FSCN1: variants seen among roughly 807,000 people sequenced by gnomAD.
FSCN1 encodes the protein fascin actin-bundling protein 1.
In FSCN1, 10 loss-of-function variants were observed where a neutral mutation model predicts 39.7. The ratio of observed to expected loss-of-function variants is 0.25; its 90% CI spans 0.16 to 0.43. The LOEUF (loss-of-function observed/expected upper bound fraction) is 0.43. Among genes scored for constraint, FSCN1 ranks in the 20% least tolerant of loss-of-function variants. FSCN1 has a pLI of 1.00. For missense variants in FSCN1, 525 were observed against 723.8 expected, an observed-to-expected ratio of 0.73 and a Z score of 3.15; for synonymous variants, 322 against 320.0, an observed-to-expected ratio of 1.01 and a Z score of -0.07.
In FSCN1 at chr7:5,603,726, C is replaced by T. The variant is rs1034925975; in HGVS notation, c.1111+109C>T. On this transcript the variant is annotated intron_variant, in intron 3 of 4. Coordinates refer to ENST00000382361, the MANE Select transcript of FSCN1 (RefSeq NM_003088.4). The surrounding 1 kb of genome is among the most constrained non-coding windows in gnomAD (Gnocchi z 8.5). Reference sequence around the variant, plus strand: ...CAAGGCCTGCTCTGTGCTGGGCATCCCCCCGGACTGGCCCCGCACTGTCCT... The same window carrying T: ...CAAGGCCTGCTCTGTGCTGGGCATCTCCCCGGACTGGCCCCGCACTGTCCT... The T allele has an allele frequency of 4.0e-5, 61 of 1,535,000 alleles. No individual in the cohort carries two copies. The African/African-American group carries it at 8.1e-4, about 20-fold the overall frequency.
Position 5,593,554 on chromosome 7 carries a change from C to G in FSCN1, c.618C>G (p.Pro206=), listed in dbSNP as rs112714846. 3.8e-6 allele frequency: 6 copies of G among 1,587,144 alleles called. No individual in the cohort carries two copies. The highest frequency in any genetic ancestry group is 5.1e-6 in the Non-Finnish European group (6 of 1,172,092). Residue 206 remains proline, a synonymous_variant, in exon 1 of 5, where the codon CCC becomes CCG. Transcript: ENST00000382361. ...LRHDGRLVAR[P]EPATGYTLEF... Reference sequence around the variant, plus strand: ...ACGACGGGCGCCTGGTGGCGCGCCCCGAGCCGGCCACTGGCTACACGCTGG... The same window carrying G: ...ACGACGGGCGCCTGGTGGCGCGCCCGGAGCCGGCCACTGGCTACACGCTGG...
chr7:5,593,377 C>A lies in FSCN1; in HGVS notation c.441C>A (p.Val147=). The change falls in exon 1 of 5, where the codon GTC becomes GTA. Residue 147 remains valine, a synonymous_variant. Transcript: ENST00000382361. ...ACCCTCAGGTCAACATCTACAGCGT[C>A]ACCCGTAAGCGCTACGCGCACCTGA... ...AMHPQVNIYS[V]TRKRYAHLSA... is the part of the protein sequence containing the mutation. 1 of 1,612,464 alleles carries A rather than the reference C, an allele frequency of 6.2e-7. No individual in the cohort carries two copies. The highest frequency in any genetic ancestry group is 1.7e-5 in the Admixed American group (1 of 60,018).
At position 5,592,832 on chromosome 7, in the gene FSCN1, G is replaced by T; in HGVS notation, c.-105G>T. On this transcript the variant is annotated 5_prime_UTR_variant, in exon 1 of 5. Transcript: ENST00000382361. The surrounding 1 kb of genome is among the most constrained non-coding windows in gnomAD (Gnocchi z 5.3). ...CTGGGCTTTGTGGAGCGCTGCGGAGGGTGCGTGCGGGCCGCGGCAGCCGAA... is the reference window on the plus strand; with the variant it reads ...CTGGGCTTTGTGGAGCGCTGCGGAGTGTGCGTGCGGGCCGCGGCAGCCGAA... The T allele has an allele frequency of 1.5e-6, 1 of 648,962 alleles. No individual in the cohort carries two copies. The highest frequency in any genetic ancestry group is 2.6e-6 in the Non-Finnish European group (1 of 387,318). 40.2% of individuals were successfully genotyped at this position (648,962 alleles called of 1,614,324 possible).
rs1460548194 is a variant in FSCN1 at position 5,603,086 on chromosome 7, C to T, written c.833-171C>T. The T allele has an allele frequency of 8.8e-5, 60 of 681,826 alleles. No homozygotes were observed. Among genetic ancestry groups the T allele is most frequent in the South Asian group, 5.2e-4 (29 of 55,336 alleles). 42.2% of individuals were successfully genotyped at this position (681,826 alleles called of 1,614,324 possible). A position where few individuals can be genotyped will look rare whatever the true frequency, so the allele number is the denominator to read the frequency against. ...CTTGGCCTCTGACCGGCCCTGCCTGCGTTCCTGGGTGCTCTCTGCTGCTTC... is the reference window on the plus strand; with the variant it reads ...CTTGGCCTCTGACCGGCCCTGCCTGTGTTCCTGGGTGCTCTCTGCTGCTTC... On this transcript the variant is annotated intron_variant, in intron 1 of 4. Transcript: ENST00000382361. The surrounding 1 kb of genome is among the most constrained non-coding windows in gnomAD (Gnocchi z 8.5).
chr7:5,601,745 T>C (rs2128549789), intron 1 of FSCN1, among the ~76,000 whole-genome samples: 1 of 151,936 alleles, frequency 6.6e-6, no homozygotes, highest in East Asian at 1.9e-4. Flanking sequence ...GAGGCTGAGG[T>C]GGGAGGATCA....
chr7:5,594,452 G>A (rs1179892621), intron 1 of FSCN1: 4 of 152,456 alleles, frequency 2.6e-5, no homozygotes, highest in Non-Finnish European at 5.9e-5. Context: ...GAGCAGGGGG[G>A]CGGGTCGCCT....
In FSCN1 at chr7:5,598,681, C is replaced by A. The variant is rs538707940; in HGVS notation, c.833-4576C>A. ...CCTTTTGCCCCTCTTTCTGGGGAAC[C>A]TGGAGCCCCTGATGCCCTCTGTTTT... On this transcript the variant is annotated intron_variant, in intron 1 of 4. Coordinates refer to ENST00000382361, the MANE Select transcript of FSCN1 (RefSeq NM_003088.4). Among the ~76,000 whole-genome samples, 4 of 152,332 alleles carry A rather than the reference C, an allele frequency of 2.6e-5. No individual in the cohort carries two copies. In the East Asian group the frequency reaches 7.7e-4, roughly 29 times the overall value.
chr7:5,598,355 A>G (rs1785767791), intron 1 of FSCN1, among the ~76,000 whole-genome samples: 2 of 152,220 alleles, frequency 1.3e-5, no homozygotes, highest in African/African-American at 2.4e-5. Flanking sequence ...CCCTGGGCCC[A>G]GGAATGGCTG....
intron 4 of FSCN1, among the ~76,000 whole-genome samples, chr7:5,604,908 T>A (rs562621401): frequency 6.7e-6 from 1 of 149,996 alleles, no homozygotes; most frequent in East Asian, 2.0e-4. Flanking sequence ...CAGTGCTGGG[T>A]TTATAGGTGT....
chr7:5,604,081 T>C, intron 4 of FSCN1, 51 bp downstream of exon 4: 1 of 1,564,824 alleles, frequency 6.4e-7, no homozygotes, highest in Non-Finnish European at 8.7e-7. Flanking sequence ...CGGTCGGGGC[T>C]GGGGTCAGTG....
chr7:5,602,436 G>A (rs1349868795), intron 1 of FSCN1, among the ~76,000 whole-genome samples: 2 of 151,094 alleles, frequency 1.3e-5, no homozygotes, highest in Non-Finnish European at 2.9e-5. Flanking sequence ...CCCCAGACAC[G>A]GCCCCCCAAG....
In FSCN1 at chr7:5,592,855, G is replaced by T. The variant is rs1018131287; in HGVS notation, c.-82G>T. On this transcript the variant is annotated 5_prime_UTR_variant, in exon 1 of 5. Coordinates refer to ENST00000382361, the MANE Select transcript of FSCN1 (RefSeq NM_003088.4). The surrounding 1 kb of genome is among the most constrained non-coding windows in gnomAD (Gnocchi z 5.3). ...AGGGTGCGTGCGGGCCGCGGCAGCCGAACAAAGGAGCAGGGGCGCCGCCGC... is the reference window on the plus strand; with the variant it reads ...AGGGTGCGTGCGGGCCGCGGCAGCCTAACAAAGGAGCAGGGGCGCCGCCGC... 35 of 827,550 alleles carry T rather than the reference G, an allele frequency of 4.2e-5. No individual in the cohort carries two copies. Among genetic ancestry groups the T allele is most frequent in the East Asian group, 3.2e-4 (11 of 34,796 alleles). 51.3% of individuals were successfully genotyped at this position (827,550 alleles called of 1,614,324 possible).
At position 5,592,821 on chromosome 7, in the gene FSCN1, G is replaced by T. The variant is rs1208586500; in HGVS notation, c.-116G>T. ...GGCGCCGCTAGCTGGGCTTTGTGGA[G>T]CGCTGCGGAGGGTGCGTGCGGGCCG... On this transcript the variant is annotated 5_prime_UTR_variant, in exon 1 of 5. Coordinates refer to ENST00000382361, the MANE Select transcript of FSCN1 (RefSeq NM_003088.4). This position sits in a 1 kb window ranked among gnomAD's most constrained non-coding sequence, Gnocchi z 5.3. 3 of 619,644 alleles carry T rather than the reference G, an allele frequency of 4.8e-6. No homozygotes were observed. The highest frequency in any genetic ancestry group is 1.9e-5 in the African/African-American group (1 of 51,500). 38.4% of individuals were successfully genotyped at this position (619,644 alleles called of 1,614,324 possible). A position where few individuals can be genotyped will look rare whatever the true frequency, so the allele number is the denominator to read the frequency against.
intron 1 of FSCN1, chr7:5,594,048 C>CG (rs1350477422): frequency 1.0e-5 from 4 of 397,684 alleles, no homozygotes; most frequent in South Asian, 4.4e-5. Context: ...CCTCCTAACC[C>CG]CCCCCCCCGC....
Position 5,602,897 on chromosome 7 carries a change from TG to T in FSCN1, c.833-355del, listed in dbSNP as rs1311221735. On this transcript the variant is annotated intron_variant, in intron 1 of 4. Transcript: ENST00000382361. ...GTAATTTGTAGAGACGGGGGTGGGG[TG>T]GGGGTCTTGCTATGTTGCCCAGGCT... 3.6e-5 allele frequency: 9 copies of T among 251,424 alleles called. No homozygotes were observed. In the East Asian group the frequency reaches 8.0e-4, roughly 22 times the overall value. The allele number at this position is 251,424 out of a possible 1,614,324, so 15.6% of individuals were successfully genotyped here.
chr7:5,605,841 C>T lies in FSCN1; in HGVS notation c.*367C>T, dbSNP rs1478741182. 1.5e-5 allele frequency: 3 copies of T among 195,962 alleles called. No individual in the cohort carries two copies. The highest frequency in any genetic ancestry group is 5.4e-5 in the Admixed American group (1 of 18,400). The allele number at this position is 195,962 out of a possible 1,614,324, so 12.1% of individuals were successfully genotyped here. A position where few individuals can be genotyped will look rare whatever the true frequency, so the allele number is the denominator to read the frequency against. On this transcript the variant is annotated 3_prime_UTR_variant, in exon 5 of 5. Coordinates refer to ENST00000382361, the MANE Select transcript of FSCN1 (RefSeq NM_003088.4). This position sits in a 1 kb window ranked among gnomAD's most constrained non-coding sequence, Gnocchi z 6.9. ...ACGGTTGGGGGCTGGGAGCCCTGGG[C>T]GTGTAGTGTAACTGGAATCTTTTGC...
Position 5,593,113 on chromosome 7 carries a change from C to G in FSCN1, c.177C>G (p.Ala59=), listed in dbSNP as rs776317377. The G allele has an allele frequency of 6.2e-7, 1 of 1,604,606 alleles. No individual in the cohort carries two copies. The highest frequency in any genetic ancestry group is 2.2e-5 in the East Asian group (1 of 44,542). The change falls in exon 1 of 5, where the codon GCC becomes GCG. Residue 59 remains alanine (A), a synonymous_variant. Coordinates refer to ENST00000382361, the MANE Select transcript of FSCN1 (RefSeq NM_003088.4). ...EQPPDEAGSA[A]VCLRSHLGRY... ...CCCCTGACGAGGCGGGCAGCGCGGC[C>G]GTGTGCCTGCGCAGCCACCTGGGCC...
intron 4 of FSCN1, 136 bp downstream of exon 4, chr7:5,604,166 G>C: frequency 1.3e-6 from 1 of 746,004 alleles, no homozygotes; most frequent in Non-Finnish European, 2.1e-6. Flanking sequence ...AAAGGGACAG[G>C]TGTCTGATGG....
Position 5,603,121 on chromosome 7 carries a change from C to T in FSCN1, c.833-136C>T, listed in dbSNP as rs1584303779. The T allele has an allele frequency of 6.6e-6, 6 of 907,846 alleles. No homozygotes were observed. In the East Asian group the frequency reaches 1.5e-4, roughly 22 times the overall value. 56.2% of individuals were successfully genotyped at this position (907,846 alleles called of 1,614,324 possible). The stretch of plus-strand genomic sequence containing the variant: ...TGCTCTCTGCTGCTTCTCATGTGTG[C>T]CACTGTGGGGACTCGGCCGCCCACC... On this transcript the variant is annotated intron_variant, in intron 1 of 4. Coordinates refer to ENST00000382361, the MANE Select transcript of FSCN1 (RefSeq NM_003088.4). This position sits in a 1 kb window ranked among gnomAD's most constrained non-coding sequence, Gnocchi z 8.5.
Sources: allele counts gnomAD v4.1 joint callset (sites outside exome capture counted in the v4.1 genomes callset), GRCh38; gene constraint gnomAD v4.1.1; non-coding constraint Gnocchi (gnomAD v3.1); transcripts MANE v1.5; gene names NCBI Gene and HGNC (gene_info 2026-07-23, HGNC 2026-07-21).